Variants in TM9SF2 observed in about 807,000 individuals in gnomAD.
TM9SF2 encodes 76 kDa membrane protein.
Under a neutral mutation model 84.9 loss-of-function variants are expected in TM9SF2, and 13 were observed. That is an observed-to-expected ratio of 0.15 (90% CI 0.10 to 0.24). The LOEUF (loss-of-function observed/expected upper bound fraction) is 0.24, where lower values mean the gene tolerates loss of function less well. Among genes scored for constraint, TM9SF2 ranks in the 10% least tolerant of loss-of-function variants. The pLI is 1.00. For missense variants in TM9SF2, 562 were observed against 818.5 expected (o/e 0.69, Z 3.82); for synonymous variants, 273 against 285.8 (o/e 0.96, Z 0.45).
At position 99,562,876 on chromosome 13, in the gene TM9SF2, C is replaced by A; in HGVS notation, c.*118C>A. The A allele has an allele frequency of 1.1e-6, 1 of 905,968 alleles. No homozygotes were observed. The highest frequency in any genetic ancestry group is 1.6e-5 in the South Asian group (1 of 63,176). 56.1% of individuals were successfully genotyped at this position (905,968 alleles called of 1,614,324 possible). The stretch of plus-strand genomic sequence containing the variant: ...TATTGGCCTAGTAATCCTTCAGAAA[C>A]ACCGTAATTCTAAATAAACCTCTTC... On this transcript the variant is annotated 3_prime_UTR_variant, in exon 17 of 17. Transcript: ENST00000376387.
chr13:99,531,395 A>T (rs1299142047), intron 4 of TM9SF2, among the ~76,000 whole-genome samples: 1 of 152,166 alleles, frequency 6.6e-6, no homozygotes, highest in Non-Finnish European at 1.5e-5. Context: ...TTGTTTGCTC[A>T]CGCCAATAAG....
chr13:99,562,558 A>G lies in TM9SF2; in HGVS notation c.1925-133A>G, dbSNP rs935365150. 13 of 700,204 alleles carry G rather than the reference A, an allele frequency of 1.9e-5. No homozygotes were observed. In the Admixed American group the frequency reaches 2.0e-4, roughly 11 times the overall value. 43.4% of individuals were successfully genotyped at this position (700,204 alleles called of 1,614,324 possible). On this transcript the variant is annotated intron_variant, in intron 16 of 16. Coordinates refer to ENST00000376387, the MANE Select transcript of TM9SF2 (RefSeq NM_004800.3). ...TTTTCAGACGTGCTCATAGATCTGT[A>G]GTATATTCCCGGTGGGTAATAGTTT...
intron 12 of TM9SF2, among the ~76,000 whole-genome samples, chr13:99,551,078 G>A (rs1049926466): frequency 1.3e-5 from 2 of 152,222 alleles, no homozygotes; most frequent in Admixed American, 6.5e-5. Flanking sequence ...ATCCTAAACA[G>A]CACCATTAAC....
At chr13:99,502,770 G>T (rs1275576250) in intron 1 of TM9SF2, among the ~76,000 whole-genome samples, 2 of 152,028 alleles carry the variant, frequency 1.3e-5, no homozygotes, top group South Asian at 4.1e-4. Flanking sequence ...TCAAATAATC[G>T]TTCAACAAAC....
chr13:99,535,238 A>G (rs2046228850), intron 4 of TM9SF2, among the ~76,000 whole-genome samples: 1 of 152,160 alleles, frequency 6.6e-6, no homozygotes, highest in Admixed American at 6.5e-5. Flanking sequence ...AGAAAAAGCT[A>G]TTGTGTCAAG....
chr13:99,524,365 C>T (rs898904495), intron 3 of TM9SF2, among the ~76,000 whole-genome samples: 1 of 151,982 alleles, frequency 6.6e-6, no homozygotes, highest in African/African-American at 2.4e-5. Flanking sequence ...CAGAATTTGC[C>T]AAGGGATGGG....
At chr13:99,535,443 A>G (rs2046229646) in intron 4 of TM9SF2, among the ~76,000 whole-genome samples, 1 of 152,252 alleles carries the variant, frequency 6.6e-6, no homozygotes, top group African/African-American at 2.4e-5. Flanking sequence ...TAAAGCAATT[A>G]ACGGATTCGT....
intron 1 of TM9SF2, among the ~76,000 whole-genome samples, chr13:99,507,115 G>A (rs2046091983): frequency 6.6e-6 from 1 of 152,154 alleles, no homozygotes; most frequent in Admixed American, 6.5e-5. Flanking sequence ...ACATCTCTGT[G>A]ATATTTAGAT....
intron 13 of TM9SF2, 141 bp from the exon 14 acceptor site, chr13:99,554,163 C>A: frequency 1.0e-6 from 1 of 971,908 alleles, no homozygotes; most frequent in Non-Finnish European, 1.5e-6. Context: ...AGACAAATTT[C>A]AGTTTGATGT....
intron 1 of TM9SF2, among the ~76,000 whole-genome samples, chr13:99,511,754 A>G (rs997203914): frequency 6.6e-6 from 1 of 152,244 alleles, no homozygotes; most frequent in African/African-American, 2.4e-5. Flanking sequence ...TTTAGTGTTG[A>G]TATCTATGAT....
At chr13:99,507,219 G>A (rs867314765) in intron 1 of TM9SF2, among the ~76,000 whole-genome samples, 1 of 152,208 alleles carries the variant, frequency 6.6e-6, no homozygotes, top group Non-Finnish European at 1.5e-5. Context: ...CCAAGACTGA[G>A]TCCAAAAAGC....
chr13:99,523,964 G>A (rs1029788865), intron 3 of TM9SF2, among the ~76,000 whole-genome samples: 2 of 152,128 alleles, frequency 1.3e-5, no homozygotes, highest in African/African-American at 4.8e-5. Flanking sequence ...AAGGGAGTGA[G>A]CCATGTGAAT....
intron 2 of TM9SF2, among the ~76,000 whole-genome samples, chr13:99,518,136 G>C (rs1262128848): frequency 6.6e-6 from 1 of 152,062 alleles, no homozygotes; most frequent in African/African-American, 2.4e-5. Flanking sequence ...TTTTGAGACA[G>C]AGTCTCACTG....
intron 9 of TM9SF2, 102 bp from the exon 10 acceptor site, chr13:99,543,761 A>T: frequency 6.8e-7 from 1 of 1,462,598 alleles, no homozygotes; most frequent in Non-Finnish European, 9.2e-7. Context: ...AAGTTTAAAA[A>T]AAACCTGTTT....
intron 1 of TM9SF2, among the ~76,000 whole-genome samples, chr13:99,508,441 A>ACC (rs1555339323): frequency 2.8e-4 from 42 of 149,046 alleles, no homozygotes; most frequent in Middle Eastern, 6.8e-3. Flanking sequence ...ACACACACAC[A>ACC]CACCCCAGAG....
At chr13:99,546,487 C>T (rs1300176245) in intron 10 of TM9SF2, among the ~76,000 whole-genome samples, 3 of 151,922 alleles carry the variant, frequency 2.0e-5, no homozygotes, top group African/African-American at 7.3e-5. Context: ...AGCTAATGGC[C>T]GTATGAAATC....
chr13:99,523,764 G>A (rs1473405822), intron 3 of TM9SF2, among the ~76,000 whole-genome samples: 1 of 152,112 alleles, frequency 6.6e-6, no homozygotes, highest in Non-Finnish European at 1.5e-5. Context: ...TTATGCTGAT[G>A]GGGAAAAGGA....
rs922513169 is a variant in TM9SF2 at position 99,541,528 on chromosome 13, C to T, written c.909-31C>T. ...TTTTACTGTTCCTAGGATTAAGCTA[C>T]AGATTACTCATGATGTGCTTATTTC... is the stretch of plus-strand genomic sequence containing the variant. On this transcript the variant is annotated intron_variant, in intron 8 of 16. Transcript: ENST00000376387. 3 of 1,491,660 alleles carry T rather than the reference C, an allele frequency of 2.0e-6. No homozygotes were observed. In the African/African-American group the frequency reaches 4.2e-5, roughly 21 times the overall value. 92.4% of individuals were successfully genotyped at this position (1,491,660 alleles called of 1,614,324 possible).
At chr13:99,548,458 T>A (rs541135632) in intron 11 of TM9SF2, among the ~76,000 whole-genome samples, 21 of 152,344 alleles carry the variant, frequency 1.4e-4, no homozygotes, top group African/African-American at 5.1e-4. Flanking sequence ...AAAACTTTTT[T>A]AAAAATCACA....
Sources: gnomAD v4.1 joint callset for allele counts (sites outside exome capture counted in the v4.1 genomes callset) on GRCh38, gnomAD v4.1.1 for gene constraint, MANE v1.5 for transcripts, NCBI Gene and HGNC (gene_info 2026-07-23, HGNC 2026-07-21) for gene names.